RTKN2: variants seen among roughly 807,000 people sequenced by gnomAD.
RTKN2 encodes the protein rhotekin-2.
RTKN2 carries 69 observed loss-of-function variants against 71.5 expected under a neutral mutation model. The observed-to-expected ratio is 0.96, with a 90% CI of 0.79 to 1.18. The LOEUF is 1.18. RTKN2 is among the 50% of genes most tolerant of loss of function. The pLI, the probability that RTKN2 is intolerant of heterozygous loss-of-function variation, is 0.00. For missense variants in RTKN2, 724 were observed against 719.7 expected (o/e 1.01, Z -0.07); for synonymous variants, 236 against 236.5 (o/e 1.00, Z 0.02).
chr10:62,206,586 A>G (rs1357556630), intron 9 of RTKN2, among the ~76,000 whole-genome samples: 1 of 152,118 alleles, frequency 6.6e-6, no homozygotes, highest in South Asian at 2.1e-4. Flanking sequence ...ATCACAAAAT[A>G]TAACAATCAT....
chr10:62,207,194 T>C (rs989437669), intron 9 of RTKN2, among the ~76,000 whole-genome samples: 1 of 152,058 alleles, frequency 6.6e-6, no homozygotes, highest in African/African-American at 2.4e-5. Context: ...CAAGGTATCA[T>C]TTCATATGAA....
intron 9 of RTKN2, among the ~76,000 whole-genome samples, chr10:62,216,083 T>C (rs10740062): frequency 0.76 from 115,287 of 151,820 alleles, 43,864 homozygotes; most frequent in East Asian, 0.9. Flanking sequence ...TTTCTAAAAG[T>C]GGAATAGAAA....
chr10:62,207,858 A>G (rs1841578846), intron 9 of RTKN2, among the ~76,000 whole-genome samples: 1 of 152,178 alleles, frequency 6.6e-6, no homozygotes, highest in South Asian at 2.1e-4. Context: ...ATGAGGAAAC[A>G]TGTTCTGTGA....
chr10:62,209,075 G>T (rs1388136261), intron 9 of RTKN2, among the ~76,000 whole-genome samples: 1 of 152,126 alleles, frequency 6.6e-6, no homozygotes, highest in Non-Finnish European at 1.5e-5. Flanking sequence ...TTCGAGACCA[G>T]CCTAACCAAC....
rs149382588 is a variant in RTKN2 at position 62,267,495 on chromosome 10, C to T, written c.60+1056G>A. Among the ~76,000 whole-genome samples, 7 of 152,286 alleles carry T rather than the reference C, an allele frequency of 4.6e-5. No homozygotes were observed. The East Asian group carries it at 1.3e-3, about 29-fold the overall frequency. ...AACAGGACAGGACTGAAAAAAAGTA[C>T]ATCAAAATCTTTGAAATTTTTGAAA... On this transcript the variant is annotated intron_variant, in intron 1 of 11. Transcript: ENST00000373789.
chr10:62,226,416 T>C (rs1842025031), intron 6 of RTKN2, among the ~76,000 whole-genome samples: 1 of 152,236 alleles, frequency 6.6e-6, no homozygotes, highest in Non-Finnish European at 1.5e-5. Context: ...GAATGCCTCT[T>C]GGCTTTTACT....
At chr10:62,208,263 T>C (rs751754527) in intron 9 of RTKN2, among the ~76,000 whole-genome samples, 18 of 152,182 alleles carry the variant, frequency 1.2e-4, no homozygotes, top group African/African-American at 4.3e-4. Flanking sequence ...AAATTATATA[T>C]GTTACTTTTG....
rs962405291 is a variant in RTKN2 at position 62,218,404 on chromosome 10, T to C, written c.782-103A>G. On this transcript the variant is annotated intron_variant, in intron 7 of 11. Transcript: ENST00000373789. ...TCTCTTTTTACAATTTTGTTTTGCTTTGTACAGAACATATTTTAGAATTAG... is the reference window on the plus strand; with the variant it reads ...TCTCTTTTTACAATTTTGTTTTGCTCTGTACAGAACATATTTTAGAATTAG... 5.5e-5 allele frequency: 41 copies of C among 742,206 alleles called. No individual in the cohort carries two copies. The South Asian group carries it at 7.5e-4, about 14-fold the overall frequency. 46.0% of individuals were successfully genotyped at this position (742,206 alleles called of 1,614,324 possible). A position where few individuals can be genotyped will look rare whatever the true frequency, so the allele number is the denominator to read the frequency against.
At chr10:62,184,279 AT>A in exon 9 of RTKN2, 1 of 1,242,756 alleles carries the variant, frequency 8.0e-7, no homozygotes. Context: ...GTCACATTGT[AT>A]TTTAAATTTT....
intron 9 of RTKN2, among the ~76,000 whole-genome samples, chr10:62,213,294 GGAGA>G (rs145768478): frequency 0.087 from 13,286 of 152,198 alleles, 772 homozygotes; most frequent in South Asian, 0.25. Flanking sequence ...AGATTATGTT[GGAGA>G]GAGGGCATCA....
intron 9 of RTKN2, among the ~76,000 whole-genome samples, chr10:62,206,705 TTA>T (rs1156699385): frequency 2.0e-5 from 3 of 152,094 alleles, no homozygotes; most frequent in African/African-American, 7.2e-5. Flanking sequence ...AAATTATACA[TTA>T]TATATGTTAC....
intron 1 of RTKN2, among the ~76,000 whole-genome samples, chr10:62,265,434 A>G (rs1842851864): frequency 6.6e-6 from 1 of 152,192 alleles, no homozygotes; most frequent in South Asian, 2.1e-4. Flanking sequence ...AGCCAAATTA[A>G]CATACACAGT....
In RTKN2 at chr10:62,255,359, G is replaced by A. The variant is rs577124169; in HGVS notation, c.257+7266C>T. The stretch of plus-strand genomic sequence containing the variant: ...ATGATTCACCAGTAAAGGGAGCCAG[G>A]TGTCAGAGAAATGGCTGACTCTAGG... On this transcript the variant is annotated intron_variant, in intron 2 of 11. Transcript: ENST00000373789. Among the ~76,000 whole-genome samples the A allele has an allele frequency of 2.0e-5, 3 of 152,270 alleles. No individual in the cohort carries two copies. The East Asian group carries it at 5.8e-4, about 29-fold the overall frequency.
chr10:62,262,888 C>T (rs1033368367), intron 1 of RTKN2, 67 bp from the exon 2 acceptor site: 5 of 921,978 alleles, frequency 5.4e-6, no homozygotes, highest in South Asian at 3.6e-5. Flanking sequence ...CATAATAGAT[C>T]GAAAATAGGT....
chr10:62,258,081 A>G (rs575472369), intron 2 of RTKN2, among the ~76,000 whole-genome samples: 32 of 152,222 alleles, frequency 2.1e-4, no homozygotes, highest in Non-Finnish European at 4.1e-4. Context: ...ACCAGTTGCC[A>G]ATATTCTCAG....
intron 9 of RTKN2, among the ~76,000 whole-genome samples, chr10:62,205,661 C>A (rs995555435): frequency 3.3e-5 from 5 of 152,128 alleles, no homozygotes; most frequent in Non-Finnish European, 5.9e-5. Context: ...CTAAGTACAA[C>A]ACTACCACAA....
chr10:62,243,903 T>C (rs907667765), intron 3 of RTKN2, among the ~76,000 whole-genome samples: 5 of 152,230 alleles, frequency 3.3e-5, no homozygotes, highest in Admixed American at 6.5e-5. Flanking sequence ...TGAACTGATT[T>C]GGTTTATTCA....
chr10:62,215,982 C>T lies in RTKN2; in HGVS notation c.1020+1136G>A, dbSNP rs1841761304. On this transcript the variant is annotated intron_variant, in intron 9 of 11. Coordinates refer to ENST00000373789, the MANE Select transcript of RTKN2 (RefSeq NM_145307.4). Reference sequence around the variant, plus strand: ...GTATTATGTCCTTGATTTGTCAAAACAAAACAGTTTAAACAAAACAGTTAA... The same window carrying T: ...GTATTATGTCCTTGATTTGTCAAAATAAAACAGTTTAAACAAAACAGTTAA... 3.3e-5 allele frequency among the ~76,000 whole-genome samples: 5 copies of T among 151,674 alleles called. No individual in the cohort carries two copies. The South Asian group carries it at 1.0e-3, about 32-fold the overall frequency.
At chr10:62,226,099 G>A (rs866327027) in intron 6 of RTKN2, among the ~76,000 whole-genome samples, 3 of 152,144 alleles carry the variant, frequency 2.0e-5, no homozygotes, top group South Asian at 4.1e-4. Flanking sequence ...TATTTTCTAT[G>A]CTAGCAATCC....
Sources: gnomAD v4.1 joint callset for allele counts (sites outside exome capture counted in the v4.1 genomes callset) on GRCh38, gnomAD v4.1.1 for gene constraint, MANE v1.5 for transcripts, NCBI Gene and HGNC (gene_info 2026-07-23, HGNC 2026-07-21) for gene names.